SCAI: variants seen among roughly 807,000 people sequenced by gnomAD.
The protein encoded by SCAI is protein SCAI.
In SCAI, 24 loss-of-function variants were observed where a neutral mutation model predicts 92.2. That is an observed-to-expected ratio of 0.26 (90% CI 0.19 to 0.37). The LOEUF (loss-of-function observed/expected upper bound fraction) is 0.37. SCAI is among the 10% of genes least tolerant of loss of function. The pLI, the probability that SCAI is intolerant of heterozygous loss-of-function variation, is 1.00. For missense variants in SCAI, 450 were observed against 736.2 expected (o/e 0.61, Z 4.50); for synonymous variants, 261 against 258.6 (o/e 1.01, Z -0.09).
intron 2 of SCAI, among the ~76,000 whole-genome samples, chr9:125,077,006 C>T (rs1359386372): frequency 6.6e-6 from 1 of 152,116 alleles, no homozygotes; most frequent in African/African-American, 2.4e-5. Context: ...CCAGCAGAAA[C>T]TCCATTTTTC....
chr9:125,046,028 C>T (rs1166981625), intron 3 of SCAI, among the ~76,000 whole-genome samples: 1 of 150,850 alleles, frequency 6.6e-6, no homozygotes, highest in Non-Finnish European at 1.5e-5. Flanking sequence ...GTAAAACTAC[C>T]ATTTGATCCA....
At chr9:124,971,017 G>A (rs28495410) in intron 17 of SCAI, among the ~76,000 whole-genome samples, 2 of 151,918 alleles carry the variant, frequency 1.3e-5, no homozygotes, top group Non-Finnish European at 1.5e-5. Context: ...GTTTCAGCAT[G>A]TTGGCCAGGC....
chr9:125,046,022 A>C (rs998364526), intron 3 of SCAI, among the ~76,000 whole-genome samples: 2 of 151,280 alleles, frequency 1.3e-5, no homozygotes, highest in South Asian at 4.2e-4. Flanking sequence ...CTAAAAGTAA[A>C]ACTACCATTT....
At chr9:125,029,869 C>T (rs1833036926) in intron 3 of SCAI, 130 bp from the exon 4 acceptor site, 2 of 500,450 alleles carry the variant, frequency 4.0e-6, no homozygotes, top group Admixed American at 3.8e-5. Flanking sequence ...AAAAGTTACA[C>T]TTTTTGGAGC....
intron 7 of SCAI, among the ~76,000 whole-genome samples, chr9:125,020,133 T>C (rs1489292212): frequency 6.6e-6 from 1 of 150,936 alleles, no homozygotes; most frequent in East Asian, 1.9e-4. Context: ...TGGCATGTTA[T>C]ACTTGATACA....
intron 14 of SCAI, among the ~76,000 whole-genome samples, chr9:124,980,817 C>T (rs542762447): frequency 1.6e-4 from 25 of 152,208 alleles, no homozygotes; most frequent in Admixed American, 1.3e-3. Context: ...GCAGTGAGTA[C>T]GACTATATGC....
chr9:125,110,835 A>G (rs72765283), intron 2 of SCAI, among the ~76,000 whole-genome samples: 8,881 of 152,278 alleles, frequency 0.058, 372 homozygotes, highest in Non-Finnish European at 0.091. Context: ...CTGCCATTTA[A>G]GAGGCCTGCT....
At chr9:125,044,597 T>C (rs1381859016) in intron 3 of SCAI, among the ~76,000 whole-genome samples, 1 of 152,168 alleles carries the variant, frequency 6.6e-6, no homozygotes, top group East Asian at 1.9e-4. Flanking sequence ...CCTCCAGTTG[T>C]CCACATACCT....
At chr9:125,063,759 T>A (rs528500164) in intron 2 of SCAI, among the ~76,000 whole-genome samples, 133 of 151,870 alleles carry the variant, frequency 8.8e-4, no homozygotes, top group Non-Finnish European at 1.6e-3. Flanking sequence ...TTTATCTTTT[T>A]TTTTTTTTTT....
At chr9:125,108,681 G>A (rs1283496561) in intron 2 of SCAI, among the ~76,000 whole-genome samples, 3 of 144,850 alleles carry the variant, frequency 2.1e-5, no homozygotes, top group South Asian at 2.3e-4. Flanking sequence ...CCCGGCAGCC[G>A]CCCCGTCAGA....
intron 2 of SCAI, among the ~76,000 whole-genome samples, chr9:125,138,448 G>A (rs1285572134): frequency 6.6e-6 from 1 of 150,478 alleles, no homozygotes; most frequent in Non-Finnish European, 1.5e-5. Context: ...GCGGAGTCTC[G>A]CTGTCGCCCA....
chr9:125,032,195 A>ATATATATTTTTTT (rs1177865840), intron 3 of SCAI, among the ~76,000 whole-genome samples: 4 of 99,472 alleles, frequency 4.0e-5, no homozygotes, highest in African/African-American at 9.5e-5. Context: ...ATATATATAT[A>ATATATATTTTTTT]TTTTTTTTTT....
chr9:125,123,768 G>A (rs913503659), intron 2 of SCAI, among the ~76,000 whole-genome samples: 2 of 152,172 alleles, frequency 1.3e-5, no homozygotes, highest in Non-Finnish European at 2.9e-5. Context: ...GTGAGACTCC[G>A]TCTCAAAGAA....
At chr9:125,092,287 G>A (rs999021111) in intron 2 of SCAI, among the ~76,000 whole-genome samples, 35 of 151,002 alleles carry the variant, frequency 2.3e-4, no homozygotes, top group African/African-American at 4.9e-4. Context: ...GTGAAACACC[G>A]TCTCTACTAA....
intron 2 of SCAI, among the ~76,000 whole-genome samples, chr9:125,118,003 C>T (rs992745667): frequency 6.6e-6 from 1 of 152,088 alleles, no homozygotes; most frequent in Non-Finnish European, 1.5e-5. Context: ...TAAACCTTAT[C>T]CCCTAATAAG....
At position 125,086,971 on chromosome 9, in the gene SCAI, C is replaced by T. The variant is rs150080972; in HGVS notation, c.99-30964G>A. Among the ~76,000 whole-genome samples, 233 of 152,146 alleles carry T rather than the reference C, an allele frequency of 1.5e-3. 1 individual carries two copies. Among genetic ancestry groups the T allele is most frequent in the African/African-American group, 5.4e-3 (226 of 41,532 alleles). ...ATTAAATGTTATGTAAGTAATACTG[C>T]CATTTAATTTACCACCTAGACTAGG... On this transcript the variant is annotated intron_variant, in intron 2 of 17. Coordinates refer to ENST00000336505, the MANE Select transcript of SCAI (RefSeq NM_001144877.3).
chr9:125,093,233 C>G (rs886476569), intron 2 of SCAI, among the ~76,000 whole-genome samples: 1 of 151,926 alleles, frequency 6.6e-6, no homozygotes, highest in Admixed American at 6.6e-5. Context: ...TGGTGGTGCA[C>G]GCCTGTAATC....
chr9:125,105,362 C>T (rs1379770534), intron 2 of SCAI, among the ~76,000 whole-genome samples: 2 of 152,202 alleles, frequency 1.3e-5, no homozygotes, highest in African/African-American at 4.8e-5. Flanking sequence ...GATTCTATTT[C>T]TCCAAGAGCT....
At chr9:124,975,707 A>T (rs1452707663) in intron 15 of SCAI, among the ~76,000 whole-genome samples, 3 of 152,224 alleles carry the variant, frequency 2.0e-5, no homozygotes, top group African/African-American at 4.8e-5. Flanking sequence ...ATAGACTGAG[A>T]AGTTTCCTAG....
Sources: gnomAD v4.1 joint callset for allele counts (sites outside exome capture counted in the v4.1 genomes callset) on GRCh38, gnomAD v4.1.1 for gene constraint, MANE v1.5 for transcripts, NCBI Gene and HGNC (gene_info 2026-07-23, HGNC 2026-07-21) for gene names.